PTGER3: variants seen among roughly 807,000 people sequenced by gnomAD.
The protein encoded by PTGER3 is prostaglandin E2 receptor EP3 subtype.
A neutral mutation model predicts 34.7 loss-of-function variants in PTGER3; 22 were observed. The ratio of observed to expected loss-of-function variants is 0.63; its 90% CI spans 0.45 to 0.91. The LOEUF is 0.91. Among genes scored for constraint, PTGER3 ranks in the 40% least tolerant of loss-of-function variants. PTGER3 has a pLI of 0.00. For synonymous variants in PTGER3, 241 were observed against 230.1 expected, an observed-to-expected ratio of 1.05 and a Z score of -0.43; for missense variants, 468 against 519.4, an observed-to-expected ratio of 0.90 and a Z score of 0.96.
intron 4 of PTGER3, among the ~76,000 whole-genome samples, chr1:70,860,546 A>G (rs1645905304): frequency 1.3e-5 from 2 of 152,198 alleles, no homozygotes; most frequent in African/African-American, 4.8e-5. Flanking sequence ...AAGGTTTAAG[A>G]TTAGAAGGGT....
intron 4 of PTGER3, among the ~76,000 whole-genome samples, chr1:70,866,297 A>G (rs531527538): frequency 6.6e-6 from 1 of 152,334 alleles, no homozygotes; most frequent in African/African-American, 2.4e-5. Context: ...TGATGCTTCT[A>G]GAACACAGAC....
At chr1:70,952,728 G>T in exon 4 of PTGER3, 1 of 1,271,610 alleles carries the variant, frequency 7.9e-7, no homozygotes, top group Non-Finnish European at 1.0e-6. Flanking sequence ...AGTTTGTTCA[G>T]CTTTGCTAAA....
chr1:70,919,244 G>A lies in PTGER3; in HGVS notation c.*23+34519C>T, dbSNP rs570669191. On this transcript the variant is annotated intron_variant, in intron 4 of 4. Coordinates refer to the PTGER3 transcript ENST00000370931. ...CCAATCCAAATAGACCCTGAGTTTT[G>A]AAATGATGAAAAAGTAATAATTTTG... 2.0e-5 allele frequency among the ~76,000 whole-genome samples: 3 copies of A among 152,184 alleles called. No homozygotes were observed. In the South Asian group the frequency reaches 6.2e-4, roughly 32 times the overall value.
intron 2 of PTGER3, among the ~76,000 whole-genome samples, chr1:70,997,789 A>G (rs1328450981): frequency 6.6e-6 from 1 of 152,228 alleles, no homozygotes; most frequent in Non-Finnish European, 1.5e-5. Context: ...CTCAGCAGCT[A>G]TATTCAGACA....
chr1:70,929,000 T>C (rs578096), intron 4 of PTGER3, among the ~76,000 whole-genome samples: 136,315 of 152,134 alleles, frequency 0.9, 61,271 homozygotes, highest in African/African-American at 0.97. Context: ...CTGCTTGTTA[T>C]TTTGAACTAA....
chr1:71,018,325 C>T (rs1411730689), intron 1 of PTGER3, among the ~76,000 whole-genome samples: 1 of 152,130 alleles, frequency 6.6e-6, no homozygotes, highest in Non-Finnish European at 1.5e-5. Flanking sequence ...TTCATTCTAA[C>T]TCCTGTCCCA....
At chr1:70,893,252 A>C (rs190213155) in intron 4 of PTGER3, among the ~76,000 whole-genome samples, 514 of 152,314 alleles carry the variant, frequency 3.4e-3, no homozygotes, top group African/African-American at 0.012. Context: ...TGGTATCTCC[A>C]TGGTACAGAT....
chr1:70,957,847 C>A (rs187874833), intron 2 of PTGER3, among the ~76,000 whole-genome samples: 7 of 152,132 alleles, frequency 4.6e-5, no homozygotes, highest in African/African-American at 7.2e-5. Flanking sequence ...TGTTGTCCCC[C>A]CTTCCAGCCT....
In PTGER3 at chr1:70,959,285, AT is replaced by A. The variant is rs559027449; in HGVS notation, c.1078-5497del. On this transcript the variant is annotated intron_variant, in intron 2 of 3. Transcript: ENST00000356595. ...ATCTGTAGATTGGGGTAATATGGAA[AT>A]TTTAATGATTGTTTTCTCCAATCCA... 8.5e-5 allele frequency among the ~76,000 whole-genome samples: 13 copies of A among 152,242 alleles called. No homozygotes were observed. In the South Asian group the frequency reaches 2.5e-3, roughly 29 times the overall value.
intron 4 of PTGER3, among the ~76,000 whole-genome samples, chr1:70,878,558 T>C (rs1646320952): frequency 6.6e-6 from 1 of 152,156 alleles, no homozygotes; most frequent in African/African-American, 2.4e-5. Context: ...CTAATTGTGA[T>C]GGTAGTTATT....
intron 2 of PTGER3, 144 bp downstream of exon 2, chr1:71,012,161 G>T: frequency 6.4e-7 from 1 of 1,562,916 alleles, no homozygotes; most frequent in South Asian, 1.2e-5. Context: ...TCACAGTAAG[G>T]TTTAGCGATA....
At chr1:70,971,834 GT>G (rs1168969052) in intron 3 of PTGER3, 101 bp from the exon 4 acceptor site, 38 of 796,114 alleles carry the variant, frequency 4.8e-5, no homozygotes, top group Non-Finnish European at 7.0e-5. Context: ...TAATAAATTT[GT>G]TTGCTTTAAA....
chr1:71,043,897 AC>A (rs2101004205), intron 1 of PTGER3, among the ~76,000 whole-genome samples: 1 of 151,276 alleles, frequency 6.6e-6, no homozygotes, highest in South Asian at 2.1e-4. Context: ...GCTCACAGCA[AC>A]CTCTGTCTCC....
chr1:70,987,925 A>C (rs1655075768), intron 2 of PTGER3, among the ~76,000 whole-genome samples: 1 of 152,196 alleles, frequency 6.6e-6, no homozygotes, highest in Non-Finnish European at 1.5e-5. Context: ...TTGACTCCTC[A>C]CCAATAAAAA....
intron 4 of PTGER3, among the ~76,000 whole-genome samples, chr1:70,895,893 C>A (rs1445422636): frequency 6.6e-6 from 1 of 152,150 alleles, no homozygotes; most frequent in Non-Finnish European, 1.5e-5. Context: ...CCAAATAAAA[C>A]TTTTTCACAG....
chr1:70,868,635 C>T (rs1243465383), intron 4 of PTGER3, among the ~76,000 whole-genome samples: 1 of 152,090 alleles, frequency 6.6e-6, no homozygotes, highest in Non-Finnish European at 1.5e-5. Context: ...AAACGAAACT[C>T]TTCGTAGGAA....
At chr1:70,955,623 A>T (rs1267458340) in intron 2 of PTGER3, among the ~76,000 whole-genome samples, 1 of 152,142 alleles carries the variant, frequency 6.6e-6, no homozygotes, top group East Asian at 1.9e-4. Flanking sequence ...TTCTGTTAGT[A>T]GAGATTGGAA....
intron 1 of PTGER3, among the ~76,000 whole-genome samples, chr1:71,015,014 T>C (rs1286710031): frequency 2.0e-5 from 3 of 152,258 alleles, no homozygotes; most frequent in Non-Finnish European, 4.4e-5. Flanking sequence ...TAATTGCCTA[T>C]ACAGACTCCA....
At chr1:71,029,451 C>G (rs78397816) in intron 1 of PTGER3, among the ~76,000 whole-genome samples, 1 of 152,054 alleles carries the variant, frequency 6.6e-6, no homozygotes, top group African/African-American at 2.4e-5. Flanking sequence ...TGACAGTATC[C>G]CCTCAAGTTG....
Sources: allele counts gnomAD v4.1 joint callset (sites outside exome capture counted in the v4.1 genomes callset), GRCh38; gene constraint gnomAD v4.1.1; transcripts MANE v1.5; gene names NCBI Gene and HGNC (gene_info 2026-07-23, HGNC 2026-07-21).